PEAK1: variants seen among roughly 807,000 people sequenced by gnomAD.
PEAK1 encodes the protein inactive tyrosine-protein kinase PEAK1.
Under a neutral mutation model 124.7 loss-of-function variants are expected in PEAK1, and 54 were observed. The observed-to-expected ratio is 0.43, with a 90% confidence interval of 0.35 to 0.54. The LOEUF (loss-of-function observed/expected upper bound fraction) is 0.54. Ranked by LOEUF, PEAK1 falls within the 20% of genes least tolerant of loss-of-function variation. PEAK1 has a pLI of 0.01. For synonymous variants in PEAK1, 719 were observed against 760.0 expected, an observed-to-expected ratio of 0.95 and a Z score of 0.89; for missense variants, 2,046 against 2,134.5, an observed-to-expected ratio of 0.96 and a Z score of 0.82.
Position 77,114,866 on chromosome 15 carries a change from G to A in PEAK1, c.4531C>T (p.His1511Tyr). Residue 1511 changes from histidine to tyrosine, a missense_variant, in exon 10 of 10, where the codon CAT becomes TAT. His to Tyr is a moderately conservative substitution (Grantham distance 83). Coordinates refer to ENST00000682557, the MANE Select transcript of PEAK1 (RefSeq NM_001385026.1). ...CSGLEHLKPY[H>Y]VTHCDLRLEN... ...AGGCGTAGATCGCAGTGAGTGACAT[G>A]GTAGGGTTTGAGGTGCTCAAGACCA... 1 of 1,613,656 alleles carries A rather than the reference G, an allele frequency of 6.2e-7. No individual in the cohort carries two copies. The highest frequency in any genetic ancestry group is 8.5e-7 in the Non-Finnish European group (1 of 1,179,988).
At chr15:77,249,051 G>A (rs2060723058) in intron 6 of PEAK1, among the ~76,000 whole-genome samples, 1 of 152,028 alleles carries the variant, frequency 6.6e-6, no homozygotes, top group Non-Finnish European at 1.5e-5. Flanking sequence ...TCAAACTCCT[G>A]ACCTCAGGTG....
chr15:77,278,765 C>T, intron 5 of PEAK1: 3 of 453,712 alleles, frequency 6.6e-6, no homozygotes, highest in South Asian at 5.2e-5. Context: ...TAACTGTGTA[C>T]TTCTGGTGAC....
intron 7 of PEAK1, among the ~76,000 whole-genome samples, chr15:77,163,917 T>C (rs2055880150): frequency 6.6e-6 from 1 of 152,154 alleles, no homozygotes; most frequent in South Asian, 2.1e-4. Flanking sequence ...AACGTCATCG[T>C]TTTGTTACTG....
chr15:77,335,911 C>CAAAAAAAAA, intron 2 of PEAK1: 11 of 985,358 alleles, frequency 1.1e-5, no homozygotes, highest in Non-Finnish European at 1.3e-5. Flanking sequence ...CTTCAGGAAA[C>CAAAAAAAAA]AAATGCCACA....
intron 1 of PEAK1, among the ~76,000 whole-genome samples, chr15:77,382,918 A>T (rs1395002341): frequency 1.3e-5 from 2 of 152,196 alleles, no homozygotes; most frequent in African/African-American, 4.8e-5. Context: ...AAAGGAAAAA[A>T]TAACTTTTCT....
chr15:77,370,451 G>A (rs1343347394), intron 1 of PEAK1, among the ~76,000 whole-genome samples: 1 of 152,188 alleles, frequency 6.6e-6, no homozygotes, highest in East Asian at 1.9e-4. Flanking sequence ...AGTAAGATAT[G>A]AGAAAGAGCA....
chr15:77,128,802 C>T (rs1291094966), intron 9 of PEAK1, among the ~76,000 whole-genome samples: 1 of 152,138 alleles, frequency 6.6e-6, no homozygotes, highest in African/African-American at 2.4e-5. Context: ...TTGAATCTCA[C>T]CCATATCTGA....
At chr15:77,124,434 T>A (rs1596267743) in intron 9 of PEAK1, among the ~76,000 whole-genome samples, 1 of 152,356 alleles carries the variant, frequency 6.6e-6, no homozygotes, top group East Asian at 1.9e-4. Context: ...TGAGATCTCA[T>A]CTTTCTGGCT....
intron 2 of PEAK1, among the ~76,000 whole-genome samples, chr15:77,323,065 C>T (rs2065335243): frequency 1.3e-5 from 2 of 152,068 alleles, no homozygotes; most frequent in Non-Finnish European, 2.9e-5. Context: ...CAGAAAAGGC[C>T]TTTGACAAAA....
chr15:77,413,366 C>T (rs1372755681), intron 1 of PEAK1, among the ~76,000 whole-genome samples: 2 of 152,150 alleles, frequency 1.3e-5, no homozygotes, highest in Non-Finnish European at 2.9e-5. Flanking sequence ...AGTAACTTTA[C>T]AGTGGACAAA....
intron 6 of PEAK1, among the ~76,000 whole-genome samples, chr15:77,201,077 T>G (rs751694650): frequency 6.6e-6 from 1 of 152,076 alleles, no homozygotes; most frequent in Non-Finnish European, 1.5e-5. Context: ...TGTCATACAC[T>G]AAATGCATCA....
intron 1 of PEAK1, among the ~76,000 whole-genome samples, chr15:77,399,855 A>T (rs1172359557): frequency 6.6e-6 from 1 of 152,224 alleles, no homozygotes; most frequent in Non-Finnish European, 1.5e-5. Context: ...AGCAAAGAAA[A>T]CAATCAATAA....
Position 77,418,179 on chromosome 15 carries a change from A to T in PEAK1, c.-666+1827T>A, listed in dbSNP as rs796690350. ...ATAAAACGAATAGTTGAGGTATCAT[A>T]ATAGTTCAAAGTGATCTTATCTTTT... On this transcript the variant is annotated intron_variant, in intron 1 of 9. Transcript: ENST00000682557. The T allele has an allele frequency of 3.0e-6, 3 of 985,318 alleles. No individual in the cohort carries two copies. The African/African-American group carries it at 5.2e-5, about 17-fold the overall frequency. 61.0% of individuals were successfully genotyped at this position (985,318 alleles called of 1,614,324 possible).
chr15:77,318,937 T>C (rs2065036417), intron 2 of PEAK1, among the ~76,000 whole-genome samples: 1 of 152,126 alleles, frequency 6.6e-6, no homozygotes, highest in Non-Finnish European at 1.5e-5. Flanking sequence ...CCTAACAATG[T>C]GGTCAATGTT....
intron 7 of PEAK1, among the ~76,000 whole-genome samples, chr15:77,176,885 A>G (rs1156346043): frequency 6.6e-6 from 1 of 152,172 alleles, no homozygotes; most frequent in Non-Finnish European, 1.5e-5. Context: ...AGAACTGTCT[A>G]CCATTCCCTC....
At chr15:77,260,625 C>G (rs556598447) in intron 5 of PEAK1, among the ~76,000 whole-genome samples, 1 of 152,236 alleles carries the variant, frequency 6.6e-6, no homozygotes, top group South Asian at 2.1e-4. Flanking sequence ...GAATATTTCA[C>G]TAGACAGATA....
At chr15:77,185,444 T>G (rs1333692554) in intron 6 of PEAK1, among the ~76,000 whole-genome samples, 1 of 152,084 alleles carries the variant, frequency 6.6e-6, no homozygotes, top group Non-Finnish European at 1.5e-5. Flanking sequence ...AGCCAAGGTG[T>G]GATGACACAG....
At chr15:77,338,652 T>A (rs772888860) in intron 2 of PEAK1, among the ~76,000 whole-genome samples, 31 of 149,088 alleles carry the variant, frequency 2.1e-4, no homozygotes, top group Non-Finnish European at 2.7e-4. Context: ...AAAATATATA[T>A]ATATATATAT....
At chr15:77,363,012 C>T (rs1037084660) in intron 2 of PEAK1, among the ~76,000 whole-genome samples, 3 of 152,050 alleles carry the variant, frequency 2.0e-5, no homozygotes, top group Admixed American at 6.6e-5. Flanking sequence ...CTCACCACCA[C>T]ACCCAGCTAA....
Sources: gnomAD v4.1 joint callset for allele counts (sites outside exome capture counted in the v4.1 genomes callset) on GRCh38, gnomAD v4.1.1 for gene constraint, MANE v1.5 for transcripts, NCBI Gene and HGNC (gene_info 2026-07-23, HGNC 2026-07-21) for gene names.